CCDC90B: variants seen among roughly 807,000 people sequenced by gnomAD.
CCDC90B encodes the protein coiled-coil domain-containing protein 90B, mitochondrial.
Under a neutral mutation model 37.0 loss-of-function variants are expected in CCDC90B, and 24 were observed. That is an observed-to-expected ratio of 0.65 (90% CI 0.47 to 0.91). CCDC90B has a LOEUF of 0.91. Ranked by LOEUF, CCDC90B falls within the 40% of genes least tolerant of loss-of-function variation. The probability of loss-of-function intolerance (pLI) is 0.00; values close to 1 mark genes in which losing one functional copy is unlikely to be tolerated. For missense variants in CCDC90B, 319 were observed against 299.0 expected, an observed-to-expected ratio of 1.07 and a Z score of -0.49; for synonymous variants, 113 against 101.1, an observed-to-expected ratio of 1.12 and a Z score of -0.71.
chr11:83,274,432 C>A, intron 4 of CCDC90B: 1 of 352,308 alleles, frequency 2.8e-6, no homozygotes, highest in Non-Finnish European at 5.1e-6. Flanking sequence ...TAAAATGTAA[C>A]TCTTATTCTC....
chr11:83,262,074 C>A (rs1440531588), intron 8 of CCDC90B, 108 bp from the exon 9 acceptor site: 3 of 700,792 alleles, frequency 4.3e-6, no homozygotes, highest in Non-Finnish European at 7.1e-6. Flanking sequence ...GGAAATCCAA[C>A]CAATTTTCTA....
In CCDC90B at chr11:83,261,983, C is replaced by T; in HGVS notation, c.710-17G>A. The T allele has an allele frequency of 6.4e-7, 1 of 1,554,518 alleles. No individual in the cohort carries two copies. The highest frequency in any genetic ancestry group is 8.8e-7 in the Non-Finnish European group (1 of 1,132,926). ...ACACCGAAGCTGTGAAAAGAAGAAA[C>T]TGTGTTATAGGTCTTGTATCTGTAA... On this transcript the variant is annotated splice_polypyrimidine_tract_variant and intron_variant, in intron 8 of 8. Transcript: ENST00000529689.
At chr11:83,279,935 T>C (rs1230089907) in intron 2 of CCDC90B, among the ~76,000 whole-genome samples, 2 of 152,224 alleles carry the variant, frequency 1.3e-5, no homozygotes, top group African/African-American at 4.8e-5. Context: ...TTTCATATGC[T>C]TTTTTCAATT....
intron 1 of CCDC90B, chr11:83,285,624 C>A (rs941404903): frequency 3.0e-6 from 4 of 1,346,320 alleles, no homozygotes; most frequent in Non-Finnish European, 9.5e-7. Context: ...GAGAAAGAAG[C>A]CGGGCGCGAA....
intron 3 of CCDC90B, among the ~76,000 whole-genome samples, chr11:83,278,065 T>C (rs538936020): frequency 2.0e-5 from 3 of 152,318 alleles, no homozygotes; most frequent in Non-Finnish European, 2.9e-5. Flanking sequence ...GTCCTTTATA[T>C]AAAATTATTG....
At position 83,265,897 on chromosome 11, in the gene CCDC90B, G is replaced by C. The variant is rs201515556; in HGVS notation, c.677C>G (p.Ser226Cys). ...ATAACGAATTGTCTCAAGTTTGTTA[G>C]ATTCCATCAGTGTTTTTAAGGAAGC... is the stretch of plus-strand genomic sequence containing the variant. ...EIASLKTLME[S>C]NKLETIRYLA... The change falls in exon 8 of 9, where the codon TCT (serine) becomes TGT (cysteine). Residue 226 changes from serine to cysteine, a missense_variant. Coordinates refer to ENST00000529689, the MANE Select transcript of CCDC90B (RefSeq NM_021825.5). 25 of 1,609,172 alleles carry C rather than the reference G, an allele frequency of 1.6e-5. No homozygotes were observed. In the East Asian group the frequency reaches 4.9e-4, roughly 32 times the overall value.
intron 7 of CCDC90B, among the ~76,000 whole-genome samples, chr11:83,269,285 G>GT (rs1047917406): frequency 7.2e-5 from 11 of 151,950 alleles, no homozygotes; most frequent in African/African-American, 2.4e-4. Context: ...TCTTTCAGAG[G>GT]TAAGAGATAA....
intron 3 of CCDC90B, among the ~76,000 whole-genome samples, chr11:83,276,567 C>A (rs139929886): frequency 6.6e-6 from 1 of 152,144 alleles, no homozygotes; most frequent in African/African-American, 2.4e-5. Flanking sequence ...CCAGGCTGGT[C>A]TCGAACTTCT....
intron 4 of CCDC90B, 112 bp downstream of exon 4, chr11:83,274,527 T>C (rs1266850512): frequency 1.4e-5 from 8 of 588,468 alleles, no homozygotes; most frequent in Non-Finnish European, 2.0e-5. Context: ...TAAAAACTTA[T>C]TGTTTACTAA....
At chr11:83,266,457 G>A (rs959695049) in intron 7 of CCDC90B, among the ~76,000 whole-genome samples, 1 of 152,254 alleles carries the variant, frequency 6.6e-6, no homozygotes, top group African/African-American at 2.4e-5. Context: ...ATTCTCTCCT[G>A]TGCCTGGCTC....
rs1382008476 is a variant in CCDC90B at position 83,259,329 on chromosome 11, C to A, written c.*2582G>T. The A allele has an allele frequency of 1.3e-5, 2 of 152,130 alleles. No homozygotes were observed. Among genetic ancestry groups the A allele is most frequent in the Non-Finnish European group, 2.9e-5 (2 of 68,030 alleles). 9.4% of individuals were successfully genotyped at this position (152,130 alleles called of 1,614,324 possible). ...ACAAAAATTTACCTGAACCCCAGAACCACCATCAAAATGAAGTTTCATGGA... is the reference window on the plus strand; with the variant it reads ...ACAAAAATTTACCTGAACCCCAGAAACACCATCAAAATGAAGTTTCATGGA... On this transcript the variant is annotated 3_prime_UTR_variant, in exon 9 of 9. Transcript: ENST00000529689.
chr11:83,269,433 G>A (rs1037099094), intron 7 of CCDC90B, among the ~76,000 whole-genome samples: 13 of 152,090 alleles, frequency 8.5e-5, no homozygotes, highest in Admixed American at 6.5e-4. Context: ...AAGAAGAAAA[G>A]AGAGAAGAAT....
intron 1 of CCDC90B, among the ~76,000 whole-genome samples, chr11:83,280,790 T>C (rs1457652967): frequency 6.6e-6 from 1 of 152,234 alleles, no homozygotes; most frequent in Non-Finnish European, 1.5e-5. Flanking sequence ...GGAAGTTCCA[T>C]GATGCTTTGA....
Position 83,273,529 on chromosome 11 carries a change from G to A in CCDC90B, c.594+118C>T, listed in dbSNP as rs1300458315. Reference sequence around the variant, plus strand: ...GGTTAACTATAATAGCTATGAGGAAGCCAGAGACTCTACAAGGGTAGTTTT... The same window carrying A: ...GGTTAACTATAATAGCTATGAGGAAACCAGAGACTCTACAAGGGTAGTTTT... On this transcript the variant is annotated intron_variant, in intron 7 of 8. Transcript: ENST00000529689. The A allele has an allele frequency of 4.0e-5, 28 of 699,610 alleles. No individual in the cohort carries two copies. In the East Asian group the frequency reaches 6.1e-4, roughly 15 times the overall value. 43.3% of individuals were successfully genotyped at this position (699,610 alleles called of 1,614,324 possible). A position where few individuals can be genotyped will look rare whatever the true frequency, so the allele number is the denominator to read the frequency against.
At chr11:83,274,545 G>A (rs1344892581) in intron 4 of CCDC90B, 94 bp downstream of exon 4, 3 of 665,028 alleles carry the variant, frequency 4.5e-6, no homozygotes, top group Middle Eastern at 4.3e-4. Flanking sequence ...TAACCACATG[G>A]AATTATTACT....
chr11:83,283,691 G>A (rs918357841), intron 1 of CCDC90B, among the ~76,000 whole-genome samples: 3 of 152,250 alleles, frequency 2.0e-5, no homozygotes, highest in Non-Finnish European at 4.4e-5. Flanking sequence ...GCCGGGTGCA[G>A]TGGCTTATGC....
intron 1 of CCDC90B, among the ~76,000 whole-genome samples, chr11:83,282,324 A>G (rs1865434951): frequency 6.6e-6 from 1 of 152,178 alleles, no homozygotes; most frequent in Admixed American, 6.5e-5. Flanking sequence ...CTGAATGCAC[A>G]CTGTTTTTGC....
At chr11:83,265,565 A>C (rs2135591729) in intron 8 of CCDC90B, among the ~76,000 whole-genome samples, 1 of 152,326 alleles carries the variant, frequency 6.6e-6, no homozygotes, top group East Asian at 1.9e-4. Context: ...CACATCTGTG[A>C]GGATGACAGA....
At chr11:83,262,077 ATTTTC>A in intron 8 of CCDC90B, 111 bp from the exon 9 acceptor site, 1 of 677,602 alleles carries the variant, frequency 1.5e-6, no homozygotes, top group South Asian at 2.2e-5. Flanking sequence ...AATCCAACCA[ATTTTC>A]TATCCTATGT....
Sources: gnomAD v4.1 joint callset for allele counts (sites outside exome capture counted in the v4.1 genomes callset) on GRCh38, gnomAD v4.1.1 for gene constraint, MANE v1.5 for transcripts, NCBI Gene and HGNC (gene_info 2026-07-23, HGNC 2026-07-21) for gene names.